The following CMTM4 variants were observed in gnomAD, a reference collection of about 807,000 sequenced individuals.
The protein encoded by CMTM4 is CKLF-like MARVEL transmembrane domain-containing protein 4.
Under a neutral mutation model 19.0 loss-of-function variants are expected in CMTM4, and 8 were observed. That is an observed-to-expected ratio of 0.42 (90% CI 0.25 to 0.76). CMTM4 has a LOEUF of 0.76. CMTM4 is among the 30% of genes least tolerant of loss of function. The pLI, the probability that CMTM4 is intolerant of heterozygous loss-of-function variation, is 0.27. For missense variants in CMTM4, 228 were observed against 290.2 expected (o/e 0.79, Z 1.56); for synonymous variants, 106 against 121.1 (o/e 0.88, Z 0.82).
rs527373952 is a variant in CMTM4 at position 66,634,447 on chromosome 16, C to A, written c.363+1958G>T. On this transcript the variant is annotated intron_variant, in intron 2 of 3. Coordinates refer to ENST00000394106, the MANE Select transcript of CMTM4 (RefSeq NM_181521.3). ...AGAGCAAGACTCTGTCTCAAAAAAA[C>A]AAAAAAAAAAACCCAAAAACAACAA... Among the ~76,000 whole-genome samples the A allele has an allele frequency of 1.2e-3, 166 of 141,744 alleles. 2 individuals carry two copies. The highest frequency in any genetic ancestry group is 3.2e-3 in the African/African-American group (128 of 39,946). 93.0% of individuals were successfully genotyped at this position (141,744 alleles called of 152,430 possible).
chr16:66,658,219 G>GGGAGGGAGGGAAGGAGGGAA, intron 1 of CMTM4, among the ~76,000 whole-genome samples: 1 of 149,404 alleles, frequency 6.7e-6, no homozygotes, highest in South Asian at 2.2e-4. Context: ...AAGGGAGGTA[G>GGGAGGGAGGGAAGGAGGGAA]GGAGGGAGGG....
intron 1 of CMTM4, among the ~76,000 whole-genome samples, chr16:66,656,181 G>A (rs187095059): frequency 5.5e-4 from 84 of 152,142 alleles, no homozygotes; most frequent in African/African-American, 2.0e-3. Context: ...CCAAACTCAT[G>A]AGTTCATACA....
At chr16:66,682,709 G>T (rs1275358575) in intron 1 of CMTM4, among the ~76,000 whole-genome samples, 1 of 151,924 alleles carries the variant, frequency 6.6e-6, no homozygotes, top group Non-Finnish European at 1.5e-5. Context: ...TGGAACGGTT[G>T]TTCTTTTATT....
At chr16:66,646,904 A>G (rs1177973272) in intron 1 of CMTM4, among the ~76,000 whole-genome samples, 3 of 151,896 alleles carry the variant, frequency 2.0e-5, no homozygotes, top group African/African-American at 7.2e-5. Flanking sequence ...ACAGGGTTTC[A>G]CCACGTTGGC....
At chr16:66,633,867 G>GC (rs1163696149) in intron 2 of CMTM4, among the ~76,000 whole-genome samples, 1 of 150,764 alleles carries the variant, frequency 6.6e-6, no homozygotes, top group African/African-American at 2.4e-5. Flanking sequence ...TAAGGTATAT[G>GC]CCCTTTTGTT....
At chr16:66,683,954 G>T (rs2016988981) in intron 1 of CMTM4, among the ~76,000 whole-genome samples, 1 of 152,046 alleles carries the variant, frequency 6.6e-6, no homozygotes, top group South Asian at 2.1e-4. Flanking sequence ...GAGAGTGAGG[G>T]ATGAGAGAAT....
chr16:66,641,994 CTA>C (rs2016104772), intron 1 of CMTM4, among the ~76,000 whole-genome samples: 1 of 152,186 alleles, frequency 6.6e-6, no homozygotes, highest in African/African-American at 2.4e-5. Flanking sequence ...ATATACACCT[CTA>C]TACACAACCA....
chr16:66,680,773 CAA>C (rs35127974), intron 1 of CMTM4, among the ~76,000 whole-genome samples: 2,537 of 31,880 alleles, frequency 0.08, 12 homozygotes, highest in Admixed American at 0.16. Context: ...GACTCCGTCT[CAA>C]AAAAAAAAAA....
the CMTM4 span, among the ~76,000 whole-genome samples, chr16:66,599,929 G>C: frequency 3.3e-5 from 5 of 152,008 alleles, no homozygotes; most frequent in African/African-American, 1.2e-4. Context: ...TAGACATGCA[G>C]TAGTATCTCA....
At position 66,623,588 on chromosome 16, in the gene CMTM4, C is replaced by T. The variant is rs2015680269; in HGVS notation, c.364-86G>A. 4.6e-6 allele frequency: 4 copies of T among 860,912 alleles called. No homozygotes were observed. In the Admixed American group the frequency reaches 1.1e-4, roughly 24 times the overall value. The allele number at this position is 860,912 out of a possible 1,614,324, so 53.3% of individuals were successfully genotyped here. On this transcript the variant is annotated intron_variant, in intron 2 of 3. Transcript: ENST00000394106. Reference sequence around the variant, plus strand: ...AACTGGAGAACTTTCAAAATAAGACCCACGATACCCAACCTCCCTGGTGGC... The same window carrying T: ...AACTGGAGAACTTTCAAAATAAGACTCACGATACCCAACCTCCCTGGTGGC...
chr16:66,654,369 C>A (rs947529656), intron 1 of CMTM4, among the ~76,000 whole-genome samples: 2 of 152,154 alleles, frequency 1.3e-5, no homozygotes, highest in African/African-American at 4.8e-5. Context: ...TGCCATCCTG[C>A]CTCCTGTCAC....
chr16:66,636,683 G>T (rs781214583), intron 1 of CMTM4, 102 bp from the exon 2 acceptor site: 11 of 917,130 alleles, frequency 1.2e-5, no homozygotes, highest in Non-Finnish European at 1.8e-5. Context: ...ACAACATACT[G>T]CCACTGAGTT....
At chr16:66,647,107 A>C (rs990354603) in intron 1 of CMTM4, among the ~76,000 whole-genome samples, 18 of 150,740 alleles carry the variant, frequency 1.2e-4, no homozygotes, top group African/African-American at 3.4e-4. Flanking sequence ...TGAAGTCAGG[A>C]GATCAAGACT....
chr16:66,606,986 T>C, the CMTM4 span, among the ~76,000 whole-genome samples: 1 of 152,126 alleles, frequency 6.6e-6, no homozygotes, highest in Non-Finnish European at 1.5e-5. Context: ...GGAGCAAGAC[T>C]CCATCTCTGG....
At chr16:66,692,889 A>G (rs2017161697) in intron 1 of CMTM4, among the ~76,000 whole-genome samples, 1 of 151,100 alleles carries the variant, frequency 6.6e-6, no homozygotes, top group Non-Finnish European at 1.5e-5. Flanking sequence ...CCTGGGTGAC[A>G]GAGCAAGACT....
At chr16:66,649,280 AT>A (rs112553734) in intron 1 of CMTM4, among the ~76,000 whole-genome samples, 28 of 150,228 alleles carry the variant, frequency 1.9e-4, no homozygotes, top group Admixed American at 6.6e-4. Flanking sequence ...TTAAAAGTCC[AT>A]TTTTTTTTTA....
rs146825884 is a variant in CMTM4, at chr16:66,652,330, A to T, written c.187-15749T>A. Reference sequence around the variant, plus strand: ...CCACACTCCACTCTAAGTGGTGCTTACCGCAGACCCCTGAAGGCACCGTTT... The same window carrying T: ...CCACACTCCACTCTAAGTGGTGCTTTCCGCAGACCCCTGAAGGCACCGTTT... On this transcript the variant is annotated intron_variant, in intron 1 of 3. Transcript: ENST00000394106. Among the ~76,000 whole-genome samples the T allele has an allele frequency of 1.2e-3, 187 of 152,306 alleles. 2 individuals carry two copies. In the East Asian group the frequency reaches 0.031, roughly 26 times the overall value.
intron 1 of CMTM4, among the ~76,000 whole-genome samples, chr16:66,671,586 G>T (rs568675186): frequency 7.2e-5 from 11 of 152,244 alleles, no homozygotes; most frequent in African/African-American, 2.6e-4. Flanking sequence ...CAAGGAAAGT[G>T]ACTCCAGACT....
chr16:66,613,071 G>C (rs1172127711), downstream of CMTM4: 1 of 702,892 alleles, frequency 1.4e-6, no homozygotes, highest in African/African-American at 1.7e-5. Context: ...GGCCCCGGTG[G>C]GTTTGTCTGC....
Sources: gnomAD v4.1 joint callset for allele counts (sites outside exome capture counted in the v4.1 genomes callset) on GRCh38, gnomAD v4.1.1 for gene constraint, MANE v1.5 for transcripts, NCBI Gene and HGNC (gene_info 2026-07-23, HGNC 2026-07-21) for gene names.